TSPAN8: variants seen among roughly 807,000 people sequenced by gnomAD.
The protein encoded by TSPAN8 is tetraspanin-8.
Under a neutral mutation model 32.8 loss-of-function variants are expected in TSPAN8, and 21 were observed. The observed-to-expected ratio is 0.64, with a 90% CI of 0.45 to 0.92. TSPAN8 has a LOEUF of 0.92. Ranked by LOEUF, TSPAN8 falls within the 40% of genes least tolerant of loss-of-function variation. TSPAN8 has a pLI of 0.00. For synonymous variants in TSPAN8, 95 were observed against 94.6 expected (o/e 1.00, Z -0.03); for missense variants, 269 against 281.9 (o/e 0.95, Z 0.33).
At chr12:71,146,730 T>C (rs1352939397) in intron 2 of TSPAN8, among the ~76,000 whole-genome samples, 1 of 152,194 alleles carries the variant, frequency 6.6e-6, no homozygotes, top group Non-Finnish European at 1.5e-5. Flanking sequence ...GGAACAGCCA[T>C]CATTTTATGG....
chr12:71,131,981 GAC>G (rs1217665184), intron 7 of TSPAN8, among the ~76,000 whole-genome samples: 1 of 152,144 alleles, frequency 6.6e-6, no homozygotes, highest in Non-Finnish European at 1.5e-5. Flanking sequence ...AATTCCCGGT[GAC>G]TGGTAGAAAG....
At chr12:71,136,044 T>G (rs1273400956) in intron 6 of TSPAN8, among the ~76,000 whole-genome samples, 1 of 151,894 alleles carries the variant, frequency 6.6e-6, no homozygotes, top group Admixed American at 6.6e-5. Context: ...AGCACAATTT[T>G]TACAAGCTGG....
chr12:71,132,794 C>G lies in TSPAN8; in HGVS notation c.475G>C (p.Ala159Pro), dbSNP rs764084767. The G allele has an allele frequency of 2.4e-5, 39 of 1,613,836 alleles. No individual in the cohort carries two copies. Among genetic ancestry groups the G allele is most frequent in the Non-Finnish European group, 3.1e-5 (36 of 1,179,958 alleles). The part of the protein sequence containing the change: ...FKCCGLVNGA[A>P]DWGNNFQHYP... ...TGTTGAAAATTATTTCCCCAATCAG[C>G]AGCTCCATTGACCAAACCGCAGCAT... The change falls in exon 7 of 9, where the codon GCT (alanine) becomes CCT (proline). Residue 159 changes from alanine to proline, a missense_variant. By Grantham distance (27) the Ala-to-Pro change is conservative (BLOSUM62 -1). Transcript: ENST00000247829.
Position 71,129,279 on chromosome 12 carries a change from TAATG to T in TSPAN8, c.660+48_660+51del, listed in dbSNP as rs1350194113. 34 of 1,469,060 alleles carry T rather than the reference TAATG, an allele frequency of 2.3e-5. No homozygotes were observed. In the Admixed American group the frequency reaches 7.6e-4, roughly 33 times the overall value. 91.0% of individuals were successfully genotyped at this position (1,469,060 alleles called of 1,614,324 possible). A position where few individuals can be genotyped will look rare whatever the true frequency, so the allele number is the denominator to read the frequency against. ...GTTCACCATCAATATTTCTTGAAAT[TAATG>T]AACAAGCAAGGGAATAAAAGAGTCA... On this transcript the variant is annotated intron_variant, in intron 8 of 8. Transcript: ENST00000247829.
chr12:71,155,820 C>T (rs1872408511), intron 2 of TSPAN8, among the ~76,000 whole-genome samples: 1 of 152,018 alleles, frequency 6.6e-6, no homozygotes, highest in Non-Finnish European at 1.5e-5. Context: ...CAACCTCCCC[C>T]TGCCAGGTTC....
intron 3 of TSPAN8, among the ~76,000 whole-genome samples, chr12:71,142,824 A>C (rs1871942649): frequency 7.2e-6 from 1 of 139,576 alleles, no homozygotes; most frequent in Non-Finnish European, 1.5e-5. Flanking sequence ...AAAGAACAAC[A>C]GGAGAGAGAG....
In TSPAN8 at chr12:71,137,990, T is replaced by A. The variant is rs1448554479; in HGVS notation, c.407A>T (p.Lys136Ile). 1 of 1,613,718 alleles carries A rather than the reference T, an allele frequency of 6.2e-7. No homozygotes were observed. Residue 136 changes from lysine to isoleucine, a missense_variant, in exon 6 of 9, where the codon AAA (lysine) becomes ATA (isoleucine). Physicochemically the swap from Lys to Ile is moderately radical, Grantham distance 102. Transcript: ENST00000247829. Reference protein sequence around the residue: ...KLLSATGESEKQFQEAIIVFQ... With the variant: ...KLLSATGESEIQFQEAIIVFQ... The stretch of plus-strand genomic sequence containing the variant: ...CACAATTATGGCTTCCTGGAATTGT[T>A]TTTCACTTTCCCCTGTGGCGCTCAA...
chr12:71,133,206 C>A (rs1871576242), intron 6 of TSPAN8, among the ~76,000 whole-genome samples: 1 of 152,144 alleles, frequency 6.6e-6, no homozygotes, highest in Non-Finnish European at 1.5e-5. Flanking sequence ...ACCTCAGCCT[C>A]CCGAGTAGCT....
intron 2 of TSPAN8, chr12:71,157,304 C>T (rs149361362): frequency 4.6e-5 from 12 of 263,668 alleles, no homozygotes; most frequent in Admixed American, 1.9e-4. Context: ...GGGAGGCCTG[C>T]TTGATATACA....
intron 2 of TSPAN8, among the ~76,000 whole-genome samples, chr12:71,146,443 C>T (rs1331761230): frequency 2.6e-5 from 4 of 152,164 alleles, no homozygotes; most frequent in Admixed American, 6.5e-5. Flanking sequence ...TAAACTATTT[C>T]ATCCCATTGT....
At chr12:71,156,212 A>C (rs1475195227) in intron 2 of TSPAN8, among the ~76,000 whole-genome samples, 1 of 139,584 alleles carries the variant, frequency 7.2e-6, no homozygotes, top group African/African-American at 2.7e-5. Context: ...GGAGTTGATT[A>C]CCTATCCTAT....
chr12:71,138,973 C>A (rs919004498), intron 4 of TSPAN8, among the ~76,000 whole-genome samples: 1 of 101,844 alleles, frequency 9.8e-6, no homozygotes, highest in Non-Finnish European at 2.0e-5. Flanking sequence ...TGATTTTTTT[C>A]TAATATTTTT....
Position 71,144,304 on chromosome 12 carries a change from T to C in TSPAN8, c.61-91A>G, listed in dbSNP as rs867934665. ...CCTCCTATCTATCCGGTGACAGTAG[T>C]TCATCATCGACTATACTATCACAAC... On this transcript the variant is annotated intron_variant, in intron 2 of 8. Transcript: ENST00000247829. 8.0e-5 allele frequency: 91 copies of C among 1,137,404 alleles called. No homozygotes were observed. The Middle Eastern group carries it at 3.3e-3, about 41-fold the overall frequency. 70.5% of individuals were successfully genotyped at this position (1,137,404 alleles called of 1,614,324 possible). A position where few individuals can be genotyped will look rare whatever the true frequency, so the allele number is the denominator to read the frequency against.
intron 2 of TSPAN8, among the ~76,000 whole-genome samples, chr12:71,156,269 C>CAAAAA (rs1287011627): frequency 3.1e-5 from 1 of 32,516 alleles, no homozygotes; most frequent in African/African-American, 1.3e-4. Context: ...AAAAAAAAAA[C>CAAAAA]AAACAAAAAA....
chr12:71,131,600 G>T (rs989305979), intron 7 of TSPAN8, among the ~76,000 whole-genome samples: 1 of 151,084 alleles, frequency 6.6e-6, no homozygotes, highest in African/African-American at 2.4e-5. Context: ...TAATGTATCT[G>T]CCTCTCAACT....
In TSPAN8 at chr12:71,148,368, C is replaced by T. The variant is rs111413459; in HGVS notation, c.61-4155G>A. 8.1e-3 allele frequency among the ~76,000 whole-genome samples: 1,227 copies of T among 152,256 alleles called. 19 individuals are homozygous for T. Among genetic ancestry groups the T allele is most frequent in the African/African-American group, 0.027 (1,132 of 41,554 alleles). Reference sequence around the variant, plus strand: ...GGGTTACAATAGGAGAAGAATATCACCAGCCTTATTTTCGTTCATGCATTA... The same window carrying T: ...GGGTTACAATAGGAGAAGAATATCATCAGCCTTATTTTCGTTCATGCATTA... On this transcript the variant is annotated intron_variant, in intron 2 of 8. Transcript: ENST00000247829.
At chr12:71,151,253 T>C (rs765828214) in intron 2 of TSPAN8, among the ~76,000 whole-genome samples, 5 of 151,906 alleles carry the variant, frequency 3.3e-5, no homozygotes, top group South Asian at 2.1e-4. Context: ...TTAGTAGAGA[T>C]GGGGTTTCAC....
chr12:71,137,616 GGAGA>G (rs1250839768), intron 6 of TSPAN8, among the ~76,000 whole-genome samples: 5 of 151,984 alleles, frequency 3.3e-5, no homozygotes, highest in South Asian at 2.1e-4. Context: ...AAAAAAAGGG[GGAGA>G]GAGAGAGAAA....
chr12:71,126,322 C>T (rs1871348060), intron 8 of TSPAN8, among the ~76,000 whole-genome samples: 1 of 152,140 alleles, frequency 6.6e-6, no homozygotes, highest in Non-Finnish European at 1.5e-5. Flanking sequence ...TAATAATTTC[C>T]ATTCAAAATG....
Sources: gnomAD v4.1 joint callset for allele counts (sites outside exome capture counted in the v4.1 genomes callset) on GRCh38, gnomAD v4.1.1 for gene constraint, MANE v1.5 for transcripts, NCBI Gene and HGNC (gene_info 2026-07-23, HGNC 2026-07-21) for gene names.